Variants in PPEF1 observed in about 807,000 individuals in gnomAD.
PPEF1 encodes the protein serine/threonine-protein phosphatase with EF-hands 1.
Under a neutral mutation model 53.3 loss-of-function variants are expected in PPEF1, and 12 were observed. That is an observed-to-expected ratio of 0.23 (90% CI 0.14 to 0.36). The LOEUF (loss-of-function observed/expected upper bound fraction) is 0.36. Among genes scored for constraint, PPEF1 ranks in the 10% least tolerant of loss-of-function variants. PPEF1 has a pLI of 1.00. For missense variants in PPEF1, 334 were observed against 490.4 expected (o/e 0.68, Z 3.01); for synonymous variants, 165 against 176.7 (o/e 0.93, Z 0.52).
At chrX:18,708,821 GAAAT>G (rs1190498957) in intron 1 of PPEF1, among the ~76,000 whole-genome samples, 1 of 111,853 alleles carries the variant, frequency 8.9e-6, no homozygotes, top group African/African-American at 3.2e-5. Context: ...AGCATGTCAT[GAAAT>G]AAATCTTTCA....
At chrX:18,820,265 C>G (rs933278129) in intron 13 of PPEF1, among the ~76,000 whole-genome samples, 9 of 111,582 alleles carry the variant, frequency 8.1e-5, no homozygotes, top group Non-Finnish European at 1.5e-4. Flanking sequence ...AGCTTCAAAA[C>G]TATTCAAAAC....
chrX:18,767,131 C>T (rs749257006), intron 6 of PPEF1, among the ~76,000 whole-genome samples: 23 of 112,326 alleles, frequency 2.0e-4, no homozygotes, highest in Non-Finnish European at 3.8e-4. Flanking sequence ...TAATACTCAG[C>T]GATCTGGAGC....
In PPEF1 at chrX:18,716,457, A is replaced by G. The variant is rs750176120; in HGVS notation, c.46+8631A>G. 1.2e-3 allele frequency among the ~76,000 whole-genome samples: 121 copies of G among 102,647 alleles called. 1 individual carries two copies. Among genetic ancestry groups the G allele is most frequent in the African/African-American group, 3.7e-3 (102 of 27,717 alleles). The allele number at this position is 102,647 out of a possible 115,157, so 89.1% of individuals were successfully genotyped here. On this transcript the variant is annotated intron_variant, in intron 1 of 15. Coordinates refer to ENST00000470157, the MANE Select transcript of PPEF1 (RefSeq NM_001377996.1). ...TGAGGAAGGTGAATGGCGTGAACCC[A>G]GGAGGCGGAGCTTGCAGTGAGCCAA...
chrX:18,698,021 C>T (rs1361542832), intron 5 of PPEF1: 1 of 111,679 alleles, frequency 9.0e-6, no homozygotes, highest in African/African-American at 3.3e-5. Context: ...TTCCACCCCT[C>T]ATTTGCTGTT....
At chrX:18,699,611 A>AT (rs965032950) in intron 5 of PPEF1, among the ~76,000 whole-genome samples, 3 of 111,251 alleles carry the variant, frequency 2.7e-5, no homozygotes, top group African/African-American at 9.8e-5. Flanking sequence ...GGCACTTTGA[A>AT]TTTTCAAGTA....
In PPEF1 at chrX:18,722,200, C is replaced by G. The variant is rs1253659521; in HGVS notation, c.47-7981C>G. On this transcript the variant is annotated intron_variant, in intron 1 of 15. Transcript: ENST00000470157. ...AAGACTGTGGTCCTAGGCCAGAGTT[C>G]AGCCATATCCTCTTCTCATCATGCT... is the stretch of plus-strand genomic sequence containing the variant. 2.7e-5 allele frequency among the ~76,000 whole-genome samples: 3 copies of G among 112,590 alleles called. No homozygotes were observed. The Admixed American group carries it at 2.8e-4, about 11-fold the overall frequency.
At chrX:18,801,393 G>A (rs1348516072) in intron 10 of PPEF1, among the ~76,000 whole-genome samples, 1 of 111,867 alleles carries the variant, frequency 8.9e-6, no homozygotes, top group Non-Finnish European at 1.9e-5. Context: ...ATAAACGGGT[G>A]TACAATCATG....
At chrX:18,768,202 G>A (rs1371709176) in intron 6 of PPEF1, among the ~76,000 whole-genome samples, 1 of 111,776 alleles carries the variant, frequency 8.9e-6, no homozygotes, top group Non-Finnish European at 1.9e-5. Context: ...GGAATAGTTT[G>A]GCAAACTACA....
At chrX:18,813,100 G>A (rs143165846) in intron 12 of PPEF1, among the ~76,000 whole-genome samples, 1,828 of 111,070 alleles carry the variant, frequency 0.016, 40 homozygotes, top group African/African-American at 0.056. Flanking sequence ...CAATTGATTG[G>A]CCGGGCACGG....
chrX:18,680,627 A>G (rs1028549351), upstream of PPEF1, among the ~76,000 whole-genome samples: 2 of 108,597 alleles, frequency 1.8e-5, no homozygotes, highest in African/African-American at 6.7e-5. Flanking sequence ...AAATTTTATT[A>G]TTATTATACT....
intron 12 of PPEF1, among the ~76,000 whole-genome samples, chrX:18,816,336 T>G (rs2147736953): frequency 8.9e-6 from 1 of 111,822 alleles, no homozygotes; most frequent in South Asian, 3.7e-4. Flanking sequence ...AATTTATTTA[T>G]TTTCCCAAAT....
intron 10 of PPEF1, among the ~76,000 whole-genome samples, chrX:18,801,390 G>A (rs1231194587): frequency 1.8e-5 from 2 of 111,513 alleles, no homozygotes; most frequent in Non-Finnish European, 3.8e-5. Context: ...CTTATAAACG[G>A]GTGTACAATC....
chrX:18,679,574 A>G (rs1019544034), upstream of PPEF1, among the ~76,000 whole-genome samples: 2 of 111,765 alleles, frequency 1.8e-5, no homozygotes, highest in African/African-American at 6.5e-5. Context: ...CAAAGCCACT[A>G]TCACATTTTG....
chrX:18,781,616 A>C (rs1003673086), intron 7 of PPEF1, among the ~76,000 whole-genome samples: 2 of 111,933 alleles, frequency 1.8e-5, no homozygotes, highest in Admixed American at 1.9e-4. Context: ...TTTGGTGAGT[A>C]CAGGATGGAA....
intron 1 of PPEF1, among the ~76,000 whole-genome samples, chrX:18,729,152 C>A (rs199616170): frequency 5.3e-5 from 2 of 37,580 alleles, no homozygotes; most frequent in African/African-American, 8.5e-5. Flanking sequence ...TAAACTCTTC[C>A]CCTTGTAACA....
intron 15 of PPEF1, among the ~76,000 whole-genome samples, chrX:18,826,317 A>T (rs956529366): frequency 1.8e-5 from 2 of 109,516 alleles, no homozygotes; most frequent in Non-Finnish European, 3.8e-5. Flanking sequence ...AAGATGATTT[A>T]CTATCCATTT....
In PPEF1 at chrX:18,806,564, G is replaced by A; in HGVS notation, c.1394+19G>A. 8.4e-7 allele frequency: 1 copy of A among 1,183,568 alleles called. No individual in the cohort carries two copies. The highest frequency in any genetic ancestry group is 1.1e-6 in the Non-Finnish European group (1 of 878,875). ...GCCAAAGGTGTGTATACTATACCGAGAGTGCTGAGCACTGGTATCACGGAC... is the reference window on the plus strand; with the variant it reads ...GCCAAAGGTGTGTATACTATACCGAAAGTGCTGAGCACTGGTATCACGGAC... On this transcript the variant is annotated intron_variant, in intron 12 of 15. Coordinates refer to ENST00000470157, the MANE Select transcript of PPEF1 (RefSeq NM_001377996.1).
At chrX:18,702,554 T>G (rs1463540826) in intron 6 of PPEF1, among the ~76,000 whole-genome samples, 1 of 107,178 alleles carries the variant, frequency 9.3e-6, no homozygotes, top group East Asian at 2.9e-4. Context: ...CAAGAACAAC[T>G]CGGGGAGGCT....
At chrX:18,719,340 CTTT>C (rs1181211988) in intron 1 of PPEF1, among the ~76,000 whole-genome samples, 2 of 92,203 alleles carry the variant, frequency 2.2e-5, no homozygotes, top group African/African-American at 8.0e-5. Context: ...TACAACTCAT[CTTT>C]TTTTTTTTTT....
Sources: allele counts gnomAD v4.1 joint callset (sites outside exome capture counted in the v4.1 genomes callset), GRCh38; gene constraint gnomAD v4.1.1; transcripts MANE v1.5; gene names NCBI Gene and HGNC (gene_info 2026-07-23, HGNC 2026-07-21).